The following ZFHX3 variants were observed in gnomAD, a reference collection of about 807,000 sequenced individuals.
ZFHX3 encodes zinc finger homeobox 3, also known as zinc finger homeobox protein 3.
ZFHX3 carries 42 observed loss-of-function variants against 279.1 expected under a neutral mutation model. The observed-to-expected ratio is 0.15, with a 90% CI of 0.12 to 0.19. The LOEUF is 0.19. ZFHX3 is among the 10% of genes least tolerant of loss of function. The pLI, the probability that ZFHX3 is intolerant of heterozygous loss-of-function variation, is 1.00. For synonymous variants in ZFHX3, 2,293 were observed against 1,957.8 expected, an observed-to-expected ratio of 1.17 and a Z score of -4.52; for missense variants, 4,981 against 4,754.0, an observed-to-expected ratio of 1.05 and a Z score of -1.40.
At chr16:73,715,962 C>A (rs2053410503) in intron 1 of ZFHX3, among the ~76,000 whole-genome samples, 1 of 152,148 alleles carries the variant, frequency 6.6e-6, no homozygotes, top group Non-Finnish European at 1.5e-5. Flanking sequence ...ATTTTTTAAA[C>A]AACCACCTGC....
intron 8 of ZFHX3, among the ~76,000 whole-genome samples, chr16:73,064,866 G>C (rs1276968042): frequency 1.3e-5 from 2 of 152,208 alleles, no homozygotes. Context: ...GTTCCACACC[G>C]CCTGCACCGC....
intron 1 of ZFHX3, among the ~76,000 whole-genome samples, chr16:72,982,893 C>T (rs1354423348): frequency 6.6e-6 from 1 of 152,174 alleles, no homozygotes; most frequent in African/African-American, 2.4e-5. Flanking sequence ...TGTCAACGTC[C>T]AGGAGCTCCT....
At chr16:72,877,133 C>T (rs986808717) in intron 4 of ZFHX3, among the ~76,000 whole-genome samples, 4 of 152,134 alleles carry the variant, frequency 2.6e-5, no homozygotes, top group Admixed American at 1.3e-4. Flanking sequence ...CAAATCTCCC[C>T]GGTCTTATGT....
At chr16:72,947,153 C>T (rs1960723434) in intron 3 of ZFHX3, among the ~76,000 whole-genome samples, 1 of 152,212 alleles carries the variant, frequency 6.6e-6, no homozygotes, top group African/African-American at 2.4e-5. Context: ...GCAGAAGTAA[C>T]CTGAGGCCCA....
intron 1 of ZFHX3, among the ~76,000 whole-genome samples, chr16:73,739,327 C>T (rs975344078): frequency 5.3e-5 from 8 of 152,182 alleles, no homozygotes; most frequent in East Asian, 3.8e-4. Flanking sequence ...TTCTCAATTG[C>T]TGCATGATTG....
At chr16:72,810,383 G>A (rs951607216) in intron 7 of ZFHX3, among the ~76,000 whole-genome samples, 4 of 151,330 alleles carry the variant, frequency 2.6e-5, no homozygotes, top group South Asian at 2.1e-4. Context: ...ACAGGGTTTC[G>A]CCATGTTGGC....
At chr16:73,611,015 A>G (rs2052239528) in intron 2 of ZFHX3, among the ~76,000 whole-genome samples, 1 of 152,226 alleles carries the variant, frequency 6.6e-6, no homozygotes, top group Non-Finnish European at 1.5e-5. Flanking sequence ...ACTCGAGCAG[A>G]AACAGCTGAA....
chr16:73,143,352 G>A (rs1966852388), intron 6 of ZFHX3, among the ~76,000 whole-genome samples: 1 of 152,014 alleles, frequency 6.6e-6, no homozygotes, highest in African/African-American at 2.4e-5. Context: ...GCTCAGAGAC[G>A]AGAAGTGGGA....
At chr16:73,227,775 G>A (rs1271978135) in intron 5 of ZFHX3, among the ~76,000 whole-genome samples, 1 of 148,196 alleles carries the variant, frequency 6.7e-6, no homozygotes, top group Admixed American at 6.8e-5. Context: ...TTTGAACCAG[G>A]GAGGCAGAGA....
At chr16:73,680,686 A>G (rs1372933310) in intron 1 of ZFHX3, among the ~76,000 whole-genome samples, 1 of 152,228 alleles carries the variant, frequency 6.6e-6, no homozygotes, top group Non-Finnish European at 1.5e-5. Flanking sequence ...AATTAGACAG[A>G]GGTCCTAAGT....
At chr16:73,333,202 C>T (rs2143233189) in intron 3 of ZFHX3, among the ~76,000 whole-genome samples, 1 of 152,030 alleles carries the variant, frequency 6.6e-6, no homozygotes, top group East Asian at 1.9e-4. Flanking sequence ...GATGGATAGA[C>T]ACATAGACAC....
intron 5 of ZFHX3, among the ~76,000 whole-genome samples, chr16:73,249,058 C>A (rs1000136678): frequency 3.3e-5 from 5 of 152,288 alleles, no homozygotes; most frequent in Non-Finnish European, 5.9e-5. Context: ...AGTGGTCACA[C>A]TGACCTCAAT....
chr16:73,416,370 T>C (rs2017581133), intron 3 of ZFHX3, among the ~76,000 whole-genome samples: 1 of 152,216 alleles, frequency 6.6e-6, no homozygotes, highest in Admixed American at 6.5e-5. Flanking sequence ...AATAAAAATG[T>C]TGTAGACAGT....
intron 3 of ZFHX3, among the ~76,000 whole-genome samples, chr16:73,364,630 G>T (rs1597302643): frequency 6.6e-6 from 1 of 152,282 alleles, no homozygotes; most frequent in African/African-American, 2.4e-5. Flanking sequence ...GGCTTGGTAT[G>T]ATGTCATCAC....
chr16:72,925,412 GA>G (rs1959394781), intron 3 of ZFHX3, among the ~76,000 whole-genome samples: 1 of 152,228 alleles, frequency 6.6e-6, no homozygotes, highest in Non-Finnish European at 1.5e-5. Flanking sequence ...GAAAGGGCAA[GA>G]GAATTCTAGA....
intron 2 of ZFHX3, among the ~76,000 whole-genome samples, chr16:73,643,031 C>T (rs1463293191): frequency 2.0e-5 from 3 of 152,030 alleles, no homozygotes; most frequent in African/African-American, 4.8e-5. Context: ...AAGAAAAATC[C>T]CCCAGTGTAG....
At chr16:72,961,367 G>A (rs1025756245) in intron 1 of ZFHX3, among the ~76,000 whole-genome samples, 1 of 152,216 alleles carries the variant, frequency 6.6e-6, no homozygotes, top group Admixed American at 6.5e-5. Flanking sequence ...GGGGAGGGAG[G>A]CATCGGATCA....
chr16:72,978,892 G>A (rs564964950), intron 1 of ZFHX3, among the ~76,000 whole-genome samples: 1 of 152,324 alleles, frequency 6.6e-6, no homozygotes, highest in South Asian at 2.1e-4. Flanking sequence ...CAGGCACTGT[G>A]CTAGGTGCTT....
At chr16:73,053,369 G>T (rs1445355662) in intron 1 of ZFHX3, among the ~76,000 whole-genome samples, 1 of 152,092 alleles carries the variant, frequency 6.6e-6, no homozygotes, top group Non-Finnish European at 1.5e-5. Flanking sequence ...AGGCTGCGGG[G>T]GCAAGGCCTT....
Sources: gnomAD v4.1 joint callset for allele counts (sites outside exome capture counted in the v4.1 genomes callset) on GRCh38, gnomAD v4.1.1 for gene constraint, MANE v1.5 for transcripts, NCBI Gene and HGNC (gene_info 2026-07-23, HGNC 2026-07-21) for gene names.